MCUB: variants seen among roughly 807,000 people sequenced by gnomAD.
MCUB encodes mitochondrial calcium uniporter dominant negative subunit beta, also known as calcium uniporter regulatory subunit MCUb, mitochondrial.
A neutral mutation model predicts 41.4 loss-of-function variants in MCUB; 46 were observed. The observed-to-expected ratio is 1.11, with a 90% CI of 0.88 to 1.42. MCUB has a LOEUF of 1.42. Among genes scored for constraint, MCUB ranks in the 40% most tolerant of loss-of-function variants. The pLI is 0.00. For synonymous variants in MCUB, 148 were observed against 148.2 expected (o/e 1.00, Z 0.01); for missense variants, 403 against 404.9 (o/e 1.00, Z 0.04).
chr4:109,651,168 C>G (rs959667466), intron 1 of MCUB, among the ~76,000 whole-genome samples: 6 of 152,178 alleles, frequency 3.9e-5, no homozygotes, highest in African/African-American at 1.4e-4. Flanking sequence ...TTAATTATGT[C>G]AGAATACACT....
rs1156603732 is a variant in MCUB at position 109,688,403 on chromosome 4, G to C, written c.*811G>C. 6.6e-6 allele frequency: 1 copy of C among 152,190 alleles called. No individual in the cohort carries two copies. The highest frequency in any genetic ancestry group is 1.5e-5 in the Non-Finnish European group (1 of 68,034). The allele number at this position is 152,190 out of a possible 1,614,324, so 9.4% of individuals were successfully genotyped here. A position where few individuals can be genotyped will look rare whatever the true frequency, so the allele number is the denominator to read the frequency against. ...ATGCTGACAGAATCAGATTTTGCAG[G>C]TGTTCAACCTATAGTGGCTAAGAAT... On this transcript the variant is annotated 3_prime_UTR_variant, in exon 8 of 8. Coordinates refer to ENST00000394650, the MANE Select transcript of MCUB (RefSeq NM_017918.5).
rs868798505 is a variant in MCUB at position 109,685,489 on chromosome 4, G to A, written c.933+122G>A. The A allele has an allele frequency of 1.2e-5, 6 of 511,712 alleles. No individual in the cohort carries two copies. The South Asian group carries it at 1.8e-4, about 16-fold the overall frequency. 31.7% of individuals were successfully genotyped at this position (511,712 alleles called of 1,614,324 possible). ...TGGTCCTAGATTTCTGTGTGTTGTG[G>A]GATTGTTCATTGAAATGGTTGACAT... On this transcript the variant is annotated intron_variant, in intron 7 of 7. Coordinates refer to ENST00000394650, the MANE Select transcript of MCUB (RefSeq NM_017918.5).
chr4:109,567,239 C>G (rs559089950), intron 1 of MCUB, among the ~76,000 whole-genome samples: 1 of 151,720 alleles, frequency 6.6e-6, no homozygotes, highest in African/African-American at 2.4e-5. Flanking sequence ...TTTCTGGAAC[C>G]TAAAGATGAA....
At chr4:109,638,069 T>C (rs754191004) in intron 1 of MCUB, among the ~76,000 whole-genome samples, 1 of 152,226 alleles carries the variant, frequency 6.6e-6, no homozygotes, top group Non-Finnish European at 1.5e-5. Context: ...AAGTTATGTT[T>C]ACAGTCCAGG....
intron 1 of MCUB, among the ~76,000 whole-genome samples, chr4:109,650,462 G>A (rs1457679970): frequency 6.6e-6 from 1 of 152,032 alleles, no homozygotes; most frequent in Non-Finnish European, 1.5e-5. Flanking sequence ...TAAACCTATT[G>A]TTTTTGAATT....
chr4:109,687,550 C>G lies in MCUB; in HGVS notation c.969C>G (p.Leu323=), dbSNP rs1276568343. ...KESLKQARHS[L]CLQMQVEELN... is the part of the protein sequence containing the mutation. ...CCCTGAAACAGGCGCGTCATTCTCT[C>G]TGTTTGCAAATGCAAGTAGAAGAAC... Residue 323 remains leucine, a synonymous_variant, in exon 8 of 8, where the codon CTC becomes CTG. Transcript: ENST00000394650. The G allele has an allele frequency of 6.2e-7, 1 of 1,612,902 alleles. No individual in the cohort carries two copies. The highest frequency in any genetic ancestry group is 8.5e-7 in the Non-Finnish European group (1 of 1,179,148).
intron 1 of MCUB, among the ~76,000 whole-genome samples, chr4:109,653,432 A>T (rs1729008671): frequency 6.6e-6 from 1 of 151,756 alleles, no homozygotes; most frequent in Admixed American, 6.6e-5. Context: ...TAGTTTTACC[A>T]TTTACATTCT....
intron 1 of MCUB, 122 bp from the exon 2 acceptor site, chr4:109,658,889 G>A: frequency 1.5e-6 from 1 of 685,828 alleles, no homozygotes; most frequent in Non-Finnish European, 2.5e-6. Flanking sequence ...TGCATGACAA[G>A]TTGAGTTTTT....
At chr4:109,597,339 G>A (rs1244284371) in intron 1 of MCUB, among the ~76,000 whole-genome samples, 7 of 148,314 alleles carry the variant, frequency 4.7e-5, no homozygotes, top group East Asian at 4.1e-4. Context: ...CCTCCCAGAC[G>A]GGGCGGCTGG....
chr4:109,612,265 T>TC (rs1554017524), intron 1 of MCUB, among the ~76,000 whole-genome samples: 2 of 141,352 alleles, frequency 1.4e-5, no homozygotes, highest in Non-Finnish European at 3.1e-5. Flanking sequence ...CTCCTTTTCT[T>TC]TTTTTTTTTT....
intron 7 of MCUB, 132 bp from the exon 8 acceptor site, chr4:109,687,383 C>T: frequency 3.3e-6 from 2 of 604,024 alleles, no homozygotes; most frequent in South Asian, 4.5e-5. Context: ...TATATTTCAG[C>T]CATTTGCCAC....
intron 4 of MCUB, chr4:109,681,513 G>C: frequency 2.2e-6 from 1 of 448,884 alleles, no homozygotes. Context: ...CAAGCCTCGT[G>C]TTCTCTGACC....
intron 1 of MCUB, among the ~76,000 whole-genome samples, chr4:109,607,384 A>G (rs987664712): frequency 1.3e-5 from 2 of 151,814 alleles, no homozygotes; most frequent in African/African-American, 4.8e-5. Flanking sequence ...CGCCCGGCTA[A>G]TTTTTGTATT....
chr4:109,592,180 T>G (rs572226209), intron 1 of MCUB, among the ~76,000 whole-genome samples: 5 of 151,452 alleles, frequency 3.3e-5, no homozygotes, highest in Non-Finnish European at 7.4e-5. Flanking sequence ...GAGGCCGAGG[T>G]GGGTGGATCA....
chr4:109,600,441 G>A (rs929520688), intron 1 of MCUB, among the ~76,000 whole-genome samples: 7 of 152,200 alleles, frequency 4.6e-5, no homozygotes, highest in Non-Finnish European at 1.0e-4. Flanking sequence ...GATGCCATGA[G>A]TATGCTAACT....
chr4:109,608,386 G>GTCTC (rs1162867647), intron 1 of MCUB, among the ~76,000 whole-genome samples: 2 of 152,084 alleles, frequency 1.3e-5, no homozygotes, highest in African/African-American at 4.8e-5. Flanking sequence ...TTCAGGATTT[G>GTCTC]TCTCTGGTGC....
At chr4:109,659,184 A>G in intron 2 of MCUB, 98 bp downstream of exon 2, 1 of 758,488 alleles carries the variant, frequency 1.3e-6, no homozygotes, top group Non-Finnish European at 2.3e-6. Flanking sequence ...GACTTTTCTT[A>G]CACTATCCCC....
intron 1 of MCUB, among the ~76,000 whole-genome samples, chr4:109,598,590 C>CAGAGGG (rs1465970831): frequency 7.4e-6 from 1 of 134,458 alleles, no homozygotes; most frequent in Non-Finnish European, 1.8e-5. Flanking sequence ...ACCGTGGAAA[C>CAGAGGG]AGAGGGAGAG....
At chr4:109,682,060 A>G (rs1382826881) in intron 4 of MCUB, among the ~76,000 whole-genome samples, 1 of 106,370 alleles carries the variant, frequency 9.4e-6, no homozygotes. Flanking sequence ...CCTAATTAGC[A>G]TTTTAGTGAG....
Sources: allele counts gnomAD v4.1 joint callset (sites outside exome capture counted in the v4.1 genomes callset), GRCh38; gene constraint gnomAD v4.1.1; transcripts MANE v1.5; gene names NCBI Gene and HGNC (gene_info 2026-07-23, HGNC 2026-07-21).